ZFHX3: variants seen among roughly 807,000 people sequenced by gnomAD.
ZFHX3 encodes zinc finger homeobox 3.
Under a neutral mutation model 279.1 loss-of-function variants are expected in ZFHX3, and 42 were observed. That is an observed-to-expected ratio of 0.15 (90% CI 0.12 to 0.19). ZFHX3 has a LOEUF of 0.19. ZFHX3 is among the 10% of genes least tolerant of loss of function. The pLI is 1.00. For missense variants in ZFHX3, 4,981 were observed against 4,754.0 expected (o/e 1.05, Z -1.40); for synonymous variants, 2,293 against 1,957.8 (o/e 1.17, Z -4.52).
intron 3 of ZFHX3, among the ~76,000 whole-genome samples, chr16:72,903,619 G>A (rs1052364511): frequency 6.6e-6 from 1 of 152,164 alleles, no homozygotes; most frequent in African/African-American, 2.4e-5. Flanking sequence ...GCTCCAGAAT[G>A]CAAGGCCCCC....
chr16:73,885,622 C>CA (rs1567440132), intron 1 of ZFHX3, among the ~76,000 whole-genome samples: 2 of 151,572 alleles, frequency 1.3e-5, no homozygotes, highest in East Asian at 1.9e-4. Context: ...AAAACAGTAA[C>CA]AAAAAAAGGT....
intron 1 of ZFHX3, among the ~76,000 whole-genome samples, chr16:73,869,271 CA>C (rs1387367696): frequency 1.1e-4 from 17 of 152,138 alleles, no homozygotes; most frequent in African/African-American, 3.6e-4. Flanking sequence ...CATGAATAAG[CA>C]AACAGCCCCG....
intron 2 of ZFHX3, among the ~76,000 whole-genome samples, chr16:73,528,711 T>C (rs2019738281): frequency 6.6e-6 from 1 of 152,226 alleles, no homozygotes; most frequent in Non-Finnish European, 1.5e-5. Flanking sequence ...TGACGATGTG[T>C]TGGCCATAGC....
At chr16:73,111,160 C>T (rs1375507614) in intron 7 of ZFHX3, among the ~76,000 whole-genome samples, 1 of 152,118 alleles carries the variant, frequency 6.6e-6, no homozygotes, top group Non-Finnish European at 1.5e-5. Context: ...AGGCTGGTCT[C>T]GATCTCCTGG....
intron 1 of ZFHX3, among the ~76,000 whole-genome samples, chr16:73,863,128 C>T (rs1275366956): frequency 1.3e-5 from 2 of 152,192 alleles, no homozygotes; most frequent in African/African-American, 4.8e-5. Flanking sequence ...ATGGCTTGAA[C>T]CCGGGAGGCG....
At chr16:72,858,619 A>G (rs977440937) in intron 4 of ZFHX3, among the ~76,000 whole-genome samples, 4 of 152,246 alleles carry the variant, frequency 2.6e-5, no homozygotes, top group African/African-American at 9.6e-5. Flanking sequence ...TTTAATGCTC[A>G]TAAGACTGCT....
intron 4 of ZFHX3, among the ~76,000 whole-genome samples, chr16:73,277,855 G>C (rs887346701): frequency 7.2e-5 from 11 of 152,176 alleles, no homozygotes; most frequent in African/African-American, 1.9e-4. Context: ...TCCAATCATG[G>C]TGGAAGGCAA....
Position 73,619,518 on chromosome 16 carries a change from A to ATATATG in ZFHX3, c.-1547+60661_-1547+60662insCATATA, listed in dbSNP as rs1198797728. ...AAAAAAATTATATATATATATATAT[A>ATATATG]TGTCTGTAAGCTATCAGCATTTCTT... On this transcript the variant is annotated intron_variant, in intron 2 of 17. Coordinates refer to the ZFHX3 transcript ENST00000641206. Among the ~76,000 whole-genome samples, 277 of 150,016 alleles carry ATATATG rather than the reference A, an allele frequency of 1.8e-3. 1 individual carries two copies. Among genetic ancestry groups the ATATATG allele is most frequent in the African/African-American group, 6.5e-3 (265 of 40,604 alleles).
In ZFHX3 at chr16:72,928,821, G is replaced by T. The variant is rs563637596; in HGVS notation, c.3216+21648C>A. On this transcript the variant is annotated intron_variant, in intron 3 of 9. Coordinates refer to ENST00000268489, the MANE Select transcript of ZFHX3 (RefSeq NM_006885.4). The stretch of plus-strand genomic sequence containing the variant: ...ACCATAAAATAAAAAGTTTAGCTGG[G>T]TGTGGTGGTATGTGCCTGTAGTCCC... Among the ~76,000 whole-genome samples the T allele has an allele frequency of 1.4e-3, 207 of 152,330 alleles. 6 individuals are homozygous for T. In the South Asian group the frequency reaches 0.017, roughly 13 times the overall value.
chr16:73,717,727 C>A (rs2053430229), intron 1 of ZFHX3, among the ~76,000 whole-genome samples: 2 of 152,178 alleles, frequency 1.3e-5, no homozygotes, highest in South Asian at 4.1e-4. Context: ...GCTTAGAAGA[C>A]TTAATCCAAG....
chr16:73,024,844 T>C (rs1964438015), intron 1 of ZFHX3, among the ~76,000 whole-genome samples: 1 of 152,220 alleles, frequency 6.6e-6, no homozygotes, highest in African/African-American at 2.4e-5. Context: ...AGGGTCTGGC[T>C]GTGCCGGATC....
In ZFHX3 at chr16:73,039,625, T is replaced by A. The variant is rs143772609; in HGVS notation, c.-50+8127A>T. 1.5e-3 allele frequency among the ~76,000 whole-genome samples: 228 copies of A among 152,180 alleles called. 1 individual carries two copies. Among genetic ancestry groups the A allele is most frequent in the African/African-American group, 5.2e-3 (214 of 41,520 alleles). On this transcript the variant is annotated intron_variant, in intron 1 of 9. Coordinates refer to ENST00000268489, the MANE Select transcript of ZFHX3 (RefSeq NM_006885.4). ...GGCCCACTCCCCCCAAAAACAATTA[T>A]CCCCAAACATCAACAGTGCCAACAC...
intron 3 of ZFHX3, among the ~76,000 whole-genome samples, chr16:73,402,985 G>T (rs928545130): frequency 1.2e-4 from 18 of 152,056 alleles, no homozygotes; most frequent in Admixed American, 2.0e-4. Context: ...CTAACACCAG[G>T]CTGGACTAAA....
chr16:73,542,044 C>T (rs2020024570), intron 2 of ZFHX3, among the ~76,000 whole-genome samples: 1 of 151,946 alleles, frequency 6.6e-6, no homozygotes, highest in Non-Finnish European at 1.5e-5. Context: ...TCGTGATCTG[C>T]CCACCTCGGC....
intron 4 of ZFHX3, among the ~76,000 whole-genome samples, chr16:72,859,219 GA>G (rs1471071514): frequency 1.6e-4 from 25 of 152,180 alleles, no homozygotes; most frequent in Non-Finnish European, 3.7e-4. Flanking sequence ...ACGCTCTCCA[GA>G]AACAGGCAGC....
At chr16:73,296,997 C>A (rs924756026) in intron 4 of ZFHX3, among the ~76,000 whole-genome samples, 3 of 150,818 alleles carry the variant, frequency 2.0e-5, no homozygotes, top group Non-Finnish European at 4.4e-5. Context: ...CCTGCCTCAG[C>A]CTCCCTAGTA....
intron 3 of ZFHX3, among the ~76,000 whole-genome samples, chr16:73,319,661 A>T (rs1012305340): frequency 1.3e-5 from 2 of 152,154 alleles, no homozygotes; most frequent in Non-Finnish European, 2.9e-5. Flanking sequence ...CCACATTCAA[A>T]GTCCTCATCA....
At position 72,816,397 on chromosome 16, in the gene ZFHX3, T is replaced by C. The variant is rs180802349; in HGVS notation, c.3530-4359A>G. On this transcript the variant is annotated intron_variant, in intron 5 of 9. Coordinates refer to ENST00000268489, the MANE Select transcript of ZFHX3 (RefSeq NM_006885.4). ...GGGATAAAAATGTGGTAAGGAATCA[T>C]GCGACTGAATGCGCTATAGATGACA... Among the ~76,000 whole-genome samples the C allele has an allele frequency of 5.1e-3, 778 of 152,336 alleles. 11 individuals are homozygous for C. The highest frequency in any genetic ancestry group is 0.017 in the African/African-American group (706 of 41,582).
intron 6 of ZFHX3, chr16:73,143,687 T>G: frequency 8.4e-7 from 1 of 1,192,930 alleles, no homozygotes. Context: ...TAGTCTTTTT[T>G]GACTGCGTTA....
Sources: allele counts gnomAD v4.1 joint callset (sites outside exome capture counted in the v4.1 genomes callset), GRCh38; gene constraint gnomAD v4.1.1; transcripts MANE v1.5; gene names NCBI Gene and HGNC (gene_info 2026-07-23, HGNC 2026-07-21).